Variants in DTNBP1 observed in about 807,000 individuals in gnomAD.
DTNBP1 encodes dysbindin.
Under a neutral mutation model 42.8 loss-of-function variants are expected in DTNBP1, and 35 were observed. The observed-to-expected ratio is 0.82, with a 90% CI of 0.63 to 1.09. The LOEUF is 1.09. DTNBP1 is among the 50% of genes least tolerant of loss of function. DTNBP1 has a pLI of 0.00. For missense variants in DTNBP1, 457 were observed against 424.2 expected (o/e 1.08, Z -0.68); for synonymous variants, 171 against 162.2 (o/e 1.05, Z -0.41).
rs539078867 is a variant in DTNBP1, at chr6:15,541,510, C to T, written c.512-8115G>A. On this transcript the variant is annotated intron_variant, in intron 7 of 9. Coordinates refer to ENST00000344537, the MANE Select transcript of DTNBP1 (RefSeq NM_032122.5). Reference sequence around the variant, plus strand: ...AATACAAAGATGTTAAGAGCTTCAACAAATGGACTTCAGATTAAAAGAAAA... The same window carrying T: ...AATACAAAGATGTTAAGAGCTTCAATAAATGGACTTCAGATTAAAAGAAAA... Among the ~76,000 whole-genome samples, 10 of 152,216 alleles carry T rather than the reference C, an allele frequency of 6.6e-5. No individual in the cohort carries two copies. The South Asian group carries it at 1.7e-3, about 25-fold the overall frequency.
rs1773376485 is a variant in DTNBP1 at position 15,538,562 on chromosome 6, T to C, written c.512-5167A>G. Among the ~76,000 whole-genome samples, 3 of 152,234 alleles carry C rather than the reference T, an allele frequency of 2.0e-5. No homozygotes were observed. In the South Asian group the frequency reaches 6.2e-4, roughly 32 times the overall value. On this transcript the variant is annotated intron_variant, in intron 7 of 9. Coordinates refer to ENST00000344537, the MANE Select transcript of DTNBP1 (RefSeq NM_032122.5). ...TACAAACTGGAAGCTGATAAATTTG[T>C]TTCATTTTAAACTGTTATGTTTGTG...
chr6:15,588,485 T>C lies in DTNBP1; in HGVS notation c.511+4574A>G, dbSNP rs536774446. On this transcript the variant is annotated intron_variant, in intron 7 of 9. Transcript: ENST00000344537. Reference sequence around the variant, plus strand: ...TCCTGCTCTAATTTATTACATAATATACAGAAAATTGACATTTAAAAGGAT... The same window carrying C: ...TCCTGCTCTAATTTATTACATAATACACAGAAAATTGACATTTAAAAGGAT... 3.9e-5 allele frequency among the ~76,000 whole-genome samples: 6 copies of C among 152,298 alleles called. No individual in the cohort carries two copies. The South Asian group carries it at 8.3e-4, about 21-fold the overall frequency.
chr6:15,620,629 T>A (rs564098494), intron 5 of DTNBP1, among the ~76,000 whole-genome samples: 7 of 152,246 alleles, frequency 4.6e-5, no homozygotes, highest in Admixed American at 4.6e-4. Context: ...TAAAACACTA[T>A]CATAGCTAAT....
intron 6 of DTNBP1, chr6:15,595,102 T>C: frequency 2.2e-6 from 1 of 456,196 alleles, no homozygotes; most frequent in South Asian, 1.5e-5. Context: ...CACAGCGTCA[T>C]GACCCACAAC....
chr6:15,577,381 G>A (rs1244555076), intron 7 of DTNBP1, among the ~76,000 whole-genome samples: 4 of 152,354 alleles, frequency 2.6e-5, no homozygotes, highest in South Asian at 2.1e-4. Flanking sequence ...GAGGATGCCC[G>A]CACGGCAGCC....
intron 8 of DTNBP1, among the ~76,000 whole-genome samples, chr6:15,532,974 C>T (rs1772966806): frequency 6.6e-6 from 1 of 152,026 alleles, no homozygotes; most frequent in South Asian, 2.1e-4. Flanking sequence ...GCTGGGATTA[C>T]AGGCGTGAGC....
chr6:15,620,077 G>C (rs2113716523), intron 5 of DTNBP1, among the ~76,000 whole-genome samples: 1 of 152,108 alleles, frequency 6.6e-6, no homozygotes, highest in East Asian at 1.9e-4. Context: ...AAGCAGTTTA[G>C]CAGTTTTCTT....
intron 7 of DTNBP1, among the ~76,000 whole-genome samples, chr6:15,536,655 T>C (rs746312826): frequency 1.2e-4 from 18 of 152,246 alleles, no homozygotes; most frequent in Non-Finnish European, 1.8e-4. Context: ...GAGATCTCTA[T>C]TAGGGCAGTG....
At chr6:15,568,663 A>G (rs1016593885) in intron 7 of DTNBP1, among the ~76,000 whole-genome samples, 12 of 152,104 alleles carry the variant, frequency 7.9e-5, no homozygotes, top group Non-Finnish European at 1.8e-4. Context: ...CTCTTACTCT[A>G]TGTGAAAACA....
At chr6:15,596,353 AC>A (rs1411113452) in intron 6 of DTNBP1, among the ~76,000 whole-genome samples, 1 of 152,204 alleles carries the variant, frequency 6.6e-6, no homozygotes, top group African/African-American at 2.4e-5. Context: ...TTTAACTCCT[AC>A]AGATTCCTAC....
In DTNBP1 at chr6:15,601,452, C is replaced by G. The variant is rs188981402; in HGVS notation, c.489-8371G>C. On this transcript the variant is annotated intron_variant, in intron 6 of 9. Coordinates refer to ENST00000344537, the MANE Select transcript of DTNBP1 (RefSeq NM_032122.5). The stretch of plus-strand genomic sequence containing the variant: ...TTAGCTTTTAAAAACCCATGTACAG[C>G]AAAAATATTGGGATCAACTAATAAA... Among the ~76,000 whole-genome samples the G allele has an allele frequency of 6.3e-4, 96 of 152,198 alleles. 1 individual carries two copies. Among genetic ancestry groups the G allele is most frequent in the Middle Eastern group, 3.4e-3 (1 of 294 alleles).
intron 1 of DTNBP1, among the ~76,000 whole-genome samples, chr6:15,656,853 T>C (rs1386394520): frequency 6.6e-6 from 1 of 152,236 alleles, no homozygotes; most frequent in Non-Finnish European, 1.5e-5. Context: ...GGAACCTGCA[T>C]GACGTTTCAT....
chr6:15,601,591 T>C (rs936347325), intron 6 of DTNBP1, among the ~76,000 whole-genome samples: 11 of 151,850 alleles, frequency 7.2e-5, no homozygotes, highest in Admixed American at 3.3e-4. Flanking sequence ...TCAGTTATAA[T>C]AAGAATTGGT....
At chr6:15,616,577 G>A (rs1758729618) in intron 5 of DTNBP1, among the ~76,000 whole-genome samples, 1 of 152,194 alleles carries the variant, frequency 6.6e-6, no homozygotes, top group South Asian at 2.1e-4. Context: ...AGAACAAGTT[G>A]GCTGTGCAGC....
intron 7 of DTNBP1, among the ~76,000 whole-genome samples, chr6:15,550,753 ACTGC>A (rs1774167817): frequency 6.6e-6 from 1 of 152,154 alleles, no homozygotes; most frequent in Non-Finnish European, 1.5e-5. Flanking sequence ...GGAGTCCTTC[ACTGC>A]CAGCTAATGA....
intron 7 of DTNBP1, among the ~76,000 whole-genome samples, chr6:15,540,485 C>T (rs1773492486): frequency 6.6e-6 from 1 of 152,134 alleles, no homozygotes; most frequent in Non-Finnish European, 1.5e-5. Flanking sequence ...ACATAAAAAA[C>T]ATTTTTCTCA....
chr6:15,536,662 A>G (rs1773246884), intron 7 of DTNBP1, among the ~76,000 whole-genome samples: 1 of 152,236 alleles, frequency 6.6e-6, no homozygotes, highest in Admixed American at 6.5e-5. Context: ...CTATTAGGGC[A>G]GTGCAAATGG....
intron 1 of DTNBP1, chr6:15,660,416 G>A (rs1034595120): frequency 7.0e-6 from 9 of 1,289,628 alleles, no homozygotes; most frequent in African/African-American, 6.1e-5. Context: ...CTAGAGGTCC[G>A]GGTCTACTGG....
intron 3 of DTNBP1, among the ~76,000 whole-genome samples, chr6:15,643,206 G>A (rs1164022872): frequency 2.0e-5 from 3 of 152,134 alleles, no homozygotes; most frequent in Admixed American, 6.5e-5. Context: ...TACAGAGCTT[G>A]TAGACCAGTC....
Sources: allele counts gnomAD v4.1 joint callset (sites outside exome capture counted in the v4.1 genomes callset), GRCh38; gene constraint gnomAD v4.1.1; transcripts MANE v1.5; gene names NCBI Gene and HGNC (gene_info 2026-07-23, HGNC 2026-07-21).